CADM2: variants seen among roughly 807,000 people sequenced by gnomAD.
CADM2 encodes immunoglobulin superfamily member 4D.
Under a neutral mutation model 49.8 loss-of-function variants are expected in CADM2, and 12 were observed. The observed-to-expected ratio is 0.24, with a 90% CI of 0.15 to 0.39. The LOEUF is 0.39. CADM2 is among the 10% of genes least tolerant of loss of function. The pLI is 1.00. For missense variants in CADM2, 378 were observed against 492.3 expected, an observed-to-expected ratio of 0.77 and a Z score of 2.20; for synonymous variants, 214 against 175.4, an observed-to-expected ratio of 1.22 and a Z score of -1.74.
At chr3:85,869,415 T>G (rs1010702496) in intron 3 of CADM2, among the ~76,000 whole-genome samples, 1 of 152,194 alleles carries the variant, frequency 6.6e-6, no homozygotes, top group Non-Finnish European at 1.5e-5. Flanking sequence ...ACATTAATAT[T>G]ACCCTCAAAT....
chr3:85,898,084 C>T (rs1411314385), intron 5 of CADM2, among the ~76,000 whole-genome samples: 1 of 151,914 alleles, frequency 6.6e-6, no homozygotes, highest in Non-Finnish European at 1.5e-5. Context: ...TCTGTGTGTG[C>T]GTGCACATAA....
At chr3:85,037,043 G>A (rs1002472897) in intron 1 of CADM2, among the ~76,000 whole-genome samples, 1 of 150,990 alleles carries the variant, frequency 6.6e-6, no homozygotes, top group African/African-American at 2.4e-5. Flanking sequence ...GGTGGCAGGC[G>A]CCTGTAATCC....
intron 1 of CADM2, among the ~76,000 whole-genome samples, chr3:85,359,664 A>AT (rs1434535137): frequency 1.0e-4 from 3 of 30,026 alleles, no homozygotes; most frequent in Non-Finnish European, 1.4e-4. Flanking sequence ...ATATATATAT[A>AT]TATTTTTTTT....
At chr3:85,237,563 T>G (rs1191290755) in intron 1 of CADM2, among the ~76,000 whole-genome samples, 3 of 151,182 alleles carry the variant, frequency 2.0e-5, no homozygotes, top group Non-Finnish European at 4.4e-5. Flanking sequence ...TACATAAATA[T>G]AAATTTAAAT....
At chr3:85,768,500 T>C (rs2069793241) in intron 2 of CADM2, among the ~76,000 whole-genome samples, 1 of 15,796 alleles carries the variant, frequency 6.3e-5, no homozygotes, top group South Asian at 1.8e-3. Context: ...TTAAAATACT[T>C]TTTTTTTTAT....
At chr3:85,701,864 GATAGA>G (rs2066766111) in intron 1 of CADM2, among the ~76,000 whole-genome samples, 2 of 53,470 alleles carry the variant, frequency 3.7e-5, no homozygotes, top group African/African-American at 1.3e-4. Context: ...GTAAAAGATA[GATAGA>G]TAGATAGATA....
At chr3:85,371,601 ATAT>A (rs2033227422) in intron 1 of CADM2, among the ~76,000 whole-genome samples, 1 of 147,242 alleles carries the variant, frequency 6.8e-6, no homozygotes, top group Non-Finnish European at 1.5e-5. Flanking sequence ...CTTCATCATA[ATAT>A]TAAGCCACAC....
At chr3:85,238,807 A>G (rs1309358911) in intron 1 of CADM2, among the ~76,000 whole-genome samples, 1 of 151,924 alleles carries the variant, frequency 6.6e-6, no homozygotes, top group East Asian at 1.9e-4. Flanking sequence ...GAATTGTGAT[A>G]CGAATATACA....
chr3:85,641,214 G>A (rs566418146), intron 1 of CADM2, among the ~76,000 whole-genome samples: 1 of 152,224 alleles, frequency 6.6e-6, no homozygotes, highest in South Asian at 2.1e-4. Context: ...AAAAAAACTA[G>A]TGATAGAAGT....
At chr3:85,033,283 A>T (rs1212845070) in intron 1 of CADM2, among the ~76,000 whole-genome samples, 3 of 152,294 alleles carry the variant, frequency 2.0e-5, no homozygotes, top group Non-Finnish European at 4.4e-5. Context: ...CACTTCCCTG[A>T]TTGGAATTTT....
chr3:85,673,731 G>A (rs1225854456), intron 1 of CADM2, among the ~76,000 whole-genome samples: 2 of 151,984 alleles, frequency 1.3e-5, no homozygotes, highest in Non-Finnish European at 2.9e-5. Flanking sequence ...CTCCAGGCTC[G>A]TTTAAACCCA....
intron 5 of CADM2, among the ~76,000 whole-genome samples, chr3:85,906,956 A>G (rs1213403415): frequency 6.6e-6 from 1 of 152,228 alleles, no homozygotes; most frequent in Non-Finnish European, 1.5e-5. Context: ...AGCCAGACAT[A>G]GTTACTTTAG....
intron 1 of CADM2, among the ~76,000 whole-genome samples, chr3:85,227,216 C>T (rs1350621038): frequency 6.6e-6 from 1 of 152,086 alleles, no homozygotes; most frequent in Non-Finnish European, 1.5e-5. Flanking sequence ...CTAATATTGA[C>T]AGTGGAGTGT....
chr3:85,316,965 A>G (rs934214809), intron 1 of CADM2, among the ~76,000 whole-genome samples: 2 of 152,140 alleles, frequency 1.3e-5, no homozygotes, highest in Non-Finnish European at 2.9e-5. Flanking sequence ...GGGGTTTCAA[A>G]GTCCATACAG....
intron 1 of CADM2, among the ~76,000 whole-genome samples, chr3:85,275,047 C>T (rs2043325096): frequency 6.6e-6 from 1 of 151,352 alleles, no homozygotes; most frequent in African/African-American, 2.4e-5. Flanking sequence ...GAGGAGGAAA[C>T]AGAAGATGTG....
intron 1 of CADM2, among the ~76,000 whole-genome samples, chr3:85,474,696 G>A (rs2038907549): frequency 1.3e-5 from 2 of 152,042 alleles, no homozygotes; most frequent in South Asian, 4.2e-4. Flanking sequence ...TTGATTGTGT[G>A]AGTGTGTGTG....
chr3:85,140,984 A>G (rs1249217765), intron 1 of CADM2, among the ~76,000 whole-genome samples: 1 of 152,178 alleles, frequency 6.6e-6, no homozygotes, highest in Non-Finnish European at 1.5e-5. Flanking sequence ...ATGATGTCTA[A>G]TCTTCCTTCA....
intron 1 of CADM2, among the ~76,000 whole-genome samples, chr3:85,687,577 A>G (rs2066253940): frequency 6.6e-6 from 1 of 152,234 alleles, no homozygotes; most frequent in African/African-American, 2.4e-5. Flanking sequence ...GAAGGAAATT[A>G]GTATATATAT....
At chr3:85,789,195 G>T (rs1349684233) in intron 2 of CADM2, among the ~76,000 whole-genome samples, 2 of 152,072 alleles carry the variant, frequency 1.3e-5, no homozygotes, top group East Asian at 3.9e-4. Context: ...TCCTTTGCAG[G>T]ATATTTCCTC....
Sources: gnomAD v4.1 joint callset for allele counts (sites outside exome capture counted in the v4.1 genomes callset) on GRCh38, gnomAD v4.1.1 for gene constraint, MANE v1.5 for transcripts, NCBI Gene and HGNC (gene_info 2026-07-23, HGNC 2026-07-21) for gene names.